The following DCTN4 variants were observed in gnomAD, a reference collection of about 807,000 sequenced individuals.
The protein encoded by DCTN4 is dynactin 4 (p62).
A neutral mutation model predicts 62.7 loss-of-function variants in DCTN4; 23 were observed. The observed-to-expected ratio is 0.37, with a 90% CI of 0.26 to 0.52. The LOEUF (loss-of-function observed/expected upper bound fraction) is 0.52, where lower values mean the gene tolerates loss of function less well. Among genes scored for constraint, DCTN4 ranks in the 20% least tolerant of loss-of-function variants. The pLI, the probability that DCTN4 is intolerant of heterozygous loss-of-function variation, is 0.92. For missense variants in DCTN4, 514 were observed against 580.4 expected (o/e 0.89, Z 1.18); for synonymous variants, 199 against 202.1 (o/e 0.98, Z 0.13).
At chr5:150,742,859 T>G (rs963867966) in intron 3 of DCTN4, 1 of 156,004 alleles carries the variant, frequency 6.4e-6, no homozygotes, top group Non-Finnish European at 1.4e-5. Flanking sequence ...GATGGCCGAA[T>G]AGGAACAGCT....
intron 3 of DCTN4, among the ~76,000 whole-genome samples, chr5:150,750,057 T>C (rs986662597): frequency 6.6e-6 from 1 of 152,090 alleles, no homozygotes; most frequent in African/African-American, 2.4e-5. Context: ...ATCAGTCTAG[T>C]CAGGGGCCGG....
At chr5:150,742,199 A>G (rs747966832) in intron 3 of DCTN4, 42 bp from the exon 4 acceptor site, 1 of 1,593,568 alleles carries the variant, frequency 6.3e-7, no homozygotes, top group Admixed American at 1.7e-5. Context: ...TCATAATGTG[A>G]TAATTTTATT....
chr5:150,758,410 C>CGA, intron 1 of DCTN4: 1 of 990,650 alleles, frequency 1.0e-6, no homozygotes, highest in Non-Finnish European at 1.2e-6. Context: ...GGCAGTCTGA[C>CGA]GAGGGCCCAG....
At chr5:150,741,988 C>G (rs1760785289) in intron 4 of DCTN4, 126 bp downstream of exon 4, 1 of 817,174 alleles carries the variant, frequency 1.2e-6, no homozygotes, top group Non-Finnish European at 2.1e-6. Context: ...GAAGCACTGT[C>G]TATGTGCAAA....
chr5:150,723,135 A>T (rs978672076), intron 8 of DCTN4, among the ~76,000 whole-genome samples, 155 bp from the exon 9 acceptor site: 2 of 152,218 alleles, frequency 1.3e-5, no homozygotes, highest in Non-Finnish European at 2.9e-5. Flanking sequence ...TATAGCAGCC[A>T]AAGTTTATAA....
intron 4 of DCTN4, among the ~76,000 whole-genome samples, chr5:150,734,716 C>A (rs935387959): frequency 1.3e-5 from 2 of 152,216 alleles, no homozygotes; most frequent in South Asian, 4.1e-4. Context: ...GGGGCGGAGT[C>A]CAAAAGGCTA....
At chr5:150,727,263 C>G (rs1230749985) in intron 8 of DCTN4, among the ~76,000 whole-genome samples, 4 of 152,144 alleles carry the variant, frequency 2.6e-5, no homozygotes, top group South Asian at 4.1e-4. Context: ...ATATTTGCAA[C>G]TGTTGCATAC....
chr5:150,732,463 T>C (rs1033378306), intron 5 of DCTN4, among the ~76,000 whole-genome samples: 1 of 152,206 alleles, frequency 6.6e-6, no homozygotes, highest in African/African-American at 2.4e-5. Flanking sequence ...ATCTAGGTAT[T>C]TTTATATGGA....
At chr5:150,748,980 T>C (rs1406642846) in intron 3 of DCTN4, among the ~76,000 whole-genome samples, 2 of 151,946 alleles carry the variant, frequency 1.3e-5, no homozygotes, top group African/African-American at 2.4e-5. Context: ...AAGACTTAAA[T>C]GTAAGTGTTA....
At chr5:150,758,711 G>T in intron 1 of DCTN4, 148 bp downstream of exon 1, 1 of 1,357,030 alleles carries the variant, frequency 7.4e-7, no homozygotes, top group South Asian at 1.4e-5. Flanking sequence ...CAGATTAGAA[G>T]CAAATTAAAT....
rs1183964264 is a variant in DCTN4 at position 150,729,045 on chromosome 5, T to C, written c.834+1586A>G. Among the ~76,000 whole-genome samples, 501 of 111,242 alleles carry C rather than the reference T, an allele frequency of 4.5e-3. 57 individuals are homozygous for C. Among genetic ancestry groups the C allele is most frequent in the African/African-American group, 0.021 (477 of 23,126 alleles). The allele number at this position is 111,242 out of a possible 152,430, so 73.0% of individuals were successfully genotyped here. ...AGTGTGTGAACCACCACACTGGCTT[T>C]TTTTTTTTTTTTTTTTTTTTTTTTT... On this transcript the variant is annotated intron_variant, in intron 8 of 12. Transcript: ENST00000447998.
intron 8 of DCTN4, among the ~76,000 whole-genome samples, chr5:150,726,746 G>A (rs967140689): frequency 2.6e-5 from 4 of 152,094 alleles, no homozygotes; most frequent in African/African-American, 4.8e-5. Flanking sequence ...GTGCTGTACC[G>A]TGGGCTGGTT....
At chr5:150,715,458 C>A (rs1173656791) in intron 12 of DCTN4, 107 bp downstream of exon 12, 9 of 769,618 alleles carry the variant, frequency 1.2e-5, no homozygotes, top group Non-Finnish European at 1.6e-5. Context: ...TTTTTAGAAA[C>A]AGGAAGAAAA....
At chr5:150,742,086 C>G in intron 4 of DCTN4, 28 bp downstream of exon 4, 1 of 1,610,114 alleles carries the variant, frequency 6.2e-7, no homozygotes, top group Non-Finnish European at 8.5e-7. Context: ...CCGATTTCAT[C>G]CTCTCTCTCT....
chr5:150,724,973 C>T (rs148975476), intron 8 of DCTN4, among the ~76,000 whole-genome samples: 6,268 of 151,950 alleles, frequency 0.041, 455 homozygotes, highest in African/African-American at 0.14. Context: ...CTGGCTAACA[C>T]GGTGAAACCC....
intron 8 of DCTN4, among the ~76,000 whole-genome samples, chr5:150,727,044 G>C (rs1760170621): frequency 6.6e-6 from 1 of 152,142 alleles, no homozygotes; most frequent in Admixed American, 6.5e-5. Flanking sequence ...TGGTGCCACT[G>C]CAGGGGTTAG....
intron 12 of DCTN4, 101 bp downstream of exon 12, chr5:150,715,464 G>T: frequency 1.2e-6 from 1 of 852,006 alleles, no homozygotes; most frequent in Non-Finnish European, 1.8e-6. Flanking sequence ...GAAACAGGAA[G>T]AAAAAAGTTA....
chr5:150,714,526 G>C (rs187388388), intron 12 of DCTN4, among the ~76,000 whole-genome samples: 2 of 151,888 alleles, frequency 1.3e-5, no homozygotes, highest in Non-Finnish European at 2.9e-5. Context: ...ACAAGCATGC[G>C]CTGCTACACC....
chr5:150,731,845 A>G, intron 5 of DCTN4: 1 of 1,539,988 alleles, frequency 6.5e-7, no homozygotes, highest in Non-Finnish European at 8.8e-7. Flanking sequence ...GTCATCTGCT[A>G]ACTTCTTCAG....
Sources: allele counts gnomAD v4.1 joint callset (sites outside exome capture counted in the v4.1 genomes callset), GRCh38; gene constraint gnomAD v4.1.1; transcripts MANE v1.5; gene names NCBI Gene and HGNC (gene_info 2026-07-23, HGNC 2026-07-21).